PTPRR: variants seen among roughly 807,000 people sequenced by gnomAD.
PTPRR encodes the protein receptor-type tyrosine-protein phosphatase R.
In PTPRR, 38 loss-of-function variants were observed where a neutral mutation model predicts 77.2. That is an observed-to-expected ratio of 0.49 (90% confidence interval 0.38 to 0.65). The LOEUF (loss-of-function observed/expected upper bound fraction) is 0.65, where lower values mean the gene tolerates loss of function less well. Ranked by LOEUF, PTPRR falls within the 30% of genes least tolerant of loss-of-function variation. The pLI, the probability that PTPRR is intolerant of heterozygous loss-of-function variation, is 0.00. For synonymous variants in PTPRR, 299 were observed against 283.1 expected (o/e 1.06, Z -0.57); for missense variants, 744 against 799.2 (o/e 0.93, Z 0.83).
At chr12:70,774,579 T>A (rs1171734731) in intron 2 of PTPRR, among the ~76,000 whole-genome samples, 5 of 152,186 alleles carry the variant, frequency 3.3e-5, no homozygotes, top group Non-Finnish European at 2.9e-5. Flanking sequence ...GTTCATTGCA[T>A]CAAAACATTT....
In PTPRR at chr12:70,920,697, C is replaced by T. The variant is rs2137145854; in HGVS notation, c.-307G>A. On this transcript the variant is annotated 5_prime_UTR_variant, in exon 1 of 14. An upstream open reading frame in the 5' UTR gains an earlier in-frame stop. Coordinates refer to ENST00000283228, the MANE Select transcript of PTPRR (RefSeq NM_002849.4). The stretch of plus-strand genomic sequence containing the variant: ...CGGAGACGGCAGGGTGGACTCCGCG[C>T]CAGCCCAGCAGCCCAGCAGCAGCGC... 2.9e-6 allele frequency: 1 copy of T among 345,254 alleles called. No homozygotes were observed. Among genetic ancestry groups the T allele is most frequent in the East Asian group, 6.0e-5 (1 of 16,556 alleles). 21.4% of individuals were successfully genotyped at this position (345,254 alleles called of 1,614,324 possible). A position where few individuals can be genotyped will look rare whatever the true frequency, so the allele number is the denominator to read the frequency against.
chr12:70,843,615 A>G (rs992968157), intron 2 of PTPRR, among the ~76,000 whole-genome samples: 2 of 152,118 alleles, frequency 1.3e-5, no homozygotes, highest in Admixed American at 1.3e-4. Context: ...TGCGCCGAGT[A>G]GTTGTCTGTT....
At chr12:70,736,954 C>T (rs995436947) in intron 6 of PTPRR, among the ~76,000 whole-genome samples, 3 of 152,206 alleles carry the variant, frequency 2.0e-5, no homozygotes, top group Admixed American at 6.5e-5. Flanking sequence ...GTTGGTGCCC[C>T]ACCCAGGTCG....
chr12:70,760,196 A>G (rs1156701794), intron 4 of PTPRR, among the ~76,000 whole-genome samples: 2 of 152,230 alleles, frequency 1.3e-5, no homozygotes, highest in African/African-American at 4.8e-5. Flanking sequence ...TTTCAAGTTT[A>G]TAAGTGCTAT....
At chr12:70,918,893 C>T (rs957177464) in intron 1 of PTPRR, among the ~76,000 whole-genome samples, 52 of 152,212 alleles carry the variant, frequency 3.4e-4, no homozygotes, top group African/African-American at 1.2e-3. Context: ...TATGTGGTAA[C>T]GAAATAATTC....
chr12:70,645,616 G>A (rs1027777153), intron 13 of PTPRR, among the ~76,000 whole-genome samples: 6 of 152,158 alleles, frequency 3.9e-5, no homozygotes, highest in Non-Finnish European at 7.3e-5. Context: ...AGTGGTGTTA[G>A]CCACGTGGCT....
intron 6 of PTPRR, among the ~76,000 whole-genome samples, chr12:70,733,279 A>G (rs932188624): frequency 1.3e-5 from 2 of 152,052 alleles, no homozygotes; most frequent in East Asian, 1.9e-4. Context: ...ATCATATTTA[A>G]AAGTGTTCAC....
At chr12:70,742,531 A>G (rs1890081650) in intron 6 of PTPRR, among the ~76,000 whole-genome samples, 1 of 152,220 alleles carries the variant, frequency 6.6e-6, no homozygotes, top group African/African-American at 2.4e-5. Flanking sequence ...AGGGGTCAAC[A>G]TAGGCTGCCA....
At chr12:70,852,442 AG>A (rs1422230548) in intron 2 of PTPRR, among the ~76,000 whole-genome samples, 23 of 152,206 alleles carry the variant, frequency 1.5e-4, no homozygotes, top group African/African-American at 5.5e-4. Flanking sequence ...TAGTTTCTGC[AG>A]TGGTAGCATG....
chr12:70,777,582 C>T (rs2136993183), intron 2 of PTPRR, among the ~76,000 whole-genome samples: 1 of 152,196 alleles, frequency 6.6e-6, no homozygotes, highest in South Asian at 2.1e-4. Flanking sequence ...ACATTATATT[C>T]TGTGTATTAG....
intron 13 of PTPRR, among the ~76,000 whole-genome samples, chr12:70,646,746 G>A (rs1886213987): frequency 6.6e-6 from 1 of 152,124 alleles, no homozygotes. Flanking sequence ...TCATTAATTA[G>A]AGGAATCTTT....
At chr12:70,682,859 T>C (rs2136729534) in intron 10 of PTPRR, among the ~76,000 whole-genome samples, 1 of 152,248 alleles carries the variant, frequency 6.6e-6, no homozygotes. Flanking sequence ...TAGAAGTGTG[T>C]TTAGTTAGTA....
intron 6 of PTPRR, among the ~76,000 whole-genome samples, chr12:70,712,555 G>C (rs905732606): frequency 6.6e-6 from 1 of 150,474 alleles, no homozygotes; most frequent in Non-Finnish European, 1.5e-5. Context: ...GAAGTAAAGA[G>C]TTTTTATTTT....
chr12:70,772,931 G>A (rs1022828763), intron 2 of PTPRR, among the ~76,000 whole-genome samples: 1 of 152,066 alleles, frequency 6.6e-6, no homozygotes, highest in African/African-American at 2.4e-5. Context: ...GAGGCTGGAA[G>A]TCTGAATCAA....
chr12:70,758,118 G>C (rs560042579), intron 4 of PTPRR, among the ~76,000 whole-genome samples: 1 of 152,148 alleles, frequency 6.6e-6, no homozygotes, highest in African/African-American at 2.4e-5. Flanking sequence ...TAATCCCTCT[G>C]TCCTTCATGA....
At chr12:70,871,114 T>C (rs1328154003) in intron 2 of PTPRR, among the ~76,000 whole-genome samples, 3 of 152,026 alleles carry the variant, frequency 2.0e-5, no homozygotes, top group African/African-American at 7.2e-5. Flanking sequence ...TTGTGGCAAA[T>C]TGGGTTGTAG....
At chr12:70,679,804 C>T (rs530007518) in intron 10 of PTPRR, among the ~76,000 whole-genome samples, 30 of 152,156 alleles carry the variant, frequency 2.0e-4, no homozygotes, top group African/African-American at 6.7e-4. Context: ...TTCTTATAGA[C>T]GTCATATAGG....
At chr12:70,844,378 G>T (rs1161868677) in intron 2 of PTPRR, among the ~76,000 whole-genome samples, 2 of 152,118 alleles carry the variant, frequency 1.3e-5, no homozygotes, top group Non-Finnish European at 1.5e-5. Flanking sequence ...AAAGGTGTAT[G>T]ATTTTTATTA....
At chr12:70,703,934 T>G (rs1888521271) in intron 6 of PTPRR, among the ~76,000 whole-genome samples, 1 of 152,048 alleles carries the variant, frequency 6.6e-6, no homozygotes, top group African/African-American at 2.4e-5. Flanking sequence ...ATAGGTGAGT[T>G]TTTGGTCTAG....
Sources: gnomAD v4.1 joint callset for allele counts (sites outside exome capture counted in the v4.1 genomes callset) on GRCh38, gnomAD v4.1.1 for gene constraint, MANE v1.5 for transcripts, NCBI Gene and HGNC (gene_info 2026-07-23, HGNC 2026-07-21) for gene names.